The following SYCE2 variants were observed in gnomAD, a reference collection of about 807,000 sequenced individuals.
SYCE2 encodes the protein central element synaptonemal complex 1.
In SYCE2, 3 loss-of-function variants were observed where a neutral mutation model predicts 27.9. The ratio of observed to expected loss-of-function variants is 0.11; its 90% CI spans 0.05 to 0.28. The LOEUF (loss-of-function observed/expected upper bound fraction) is 0.28, where lower values mean the gene tolerates loss of function less well. Among genes scored for constraint, SYCE2 ranks in the 10% least tolerant of loss-of-function variants. The pLI, the probability that SYCE2 is intolerant of heterozygous loss-of-function variation, is 1.00. For synonymous variants in SYCE2, 85 were observed against 100.7 expected, an observed-to-expected ratio of 0.84 and a Z score of 0.93; for missense variants, 207 against 263.5, an observed-to-expected ratio of 0.79 and a Z score of 1.48.
intron 2 of SYCE2, among the ~76,000 whole-genome samples, chr19:12,913,745 C>T (rs184112347): frequency 3.3e-5 from 5 of 152,312 alleles, no homozygotes; most frequent in Non-Finnish European, 7.4e-5. Context: ...TGATTTGCAG[C>T]GGTCTGTGTC....
Position 12,911,644 on chromosome 19 carries a change from G to T in SYCE2, c.131+6578C>A, listed in dbSNP as rs959637670. 7.0e-4 allele frequency among the ~76,000 whole-genome samples: 100 copies of T among 142,108 alleles called. 1 individual carries two copies. The highest frequency in any genetic ancestry group is 2.5e-3 in the African/African-American group (96 of 38,400). The allele number at this position is 142,108 out of a possible 152,430, so 93.2% of individuals were successfully genotyped here. ...TTTTTTTTTTTTTTTTTTAGACGAG[G>T]TCTCGCTCAGCTGCCCAGGATGGAG... is the stretch of plus-strand genomic sequence containing the variant. On this transcript the variant is annotated intron_variant, in intron 2 of 5. Transcript: ENST00000293695.
chr19:12,910,813 G>T (rs1971031650), intron 2 of SYCE2, among the ~76,000 whole-genome samples: 1 of 151,898 alleles, frequency 6.6e-6, no homozygotes, highest in Non-Finnish European at 1.5e-5. Context: ...GAGTAGCTGG[G>T]ACTACAGGCG....
At chr19:12,904,452 G>T in intron 3 of SYCE2, 40 bp downstream of exon 3, 2 of 1,611,776 alleles carry the variant, frequency 1.2e-6, no homozygotes, top group Non-Finnish European at 1.7e-6. Context: ...CTCCCCTTTT[G>T]CATAAGGAAT....
chr19:12,900,087 A>C lies in SYCE2; in HGVS notation c.529T>G (p.Ser177Ala). 6.2e-7 allele frequency: 1 copy of C among 1,613,430 alleles called. No homozygotes were observed. Among genetic ancestry groups the C allele is most frequent in the Non-Finnish European group, 8.5e-7 (1 of 1,179,902 alleles). ...SLRLRWGPDH[S>A]RGKSPPRPGN... is the part of the protein sequence containing the mutation. ...GGACGTGGTGGGGACTTTCCCCTAG[A>C]GTGGTCTGGCCCCCATCTGAGTCTT... The change falls in exon 5 of 6, where the codon TCT (serine) becomes GCT (alanine). Residue 177 changes from serine to alanine, a missense_variant. Coordinates refer to ENST00000293695, the MANE Select transcript of SYCE2 (RefSeq NM_001105578.2).
chr19:12,902,397 A>G (rs1206909049), intron 3 of SYCE2, among the ~76,000 whole-genome samples: 1 of 152,114 alleles, frequency 6.6e-6, no homozygotes, highest in Non-Finnish European at 1.5e-5. Context: ...CTTTTCTACT[A>G]GAGGCCAAGG....
In SYCE2 at chr19:12,900,601, A is replaced by G. The variant is rs1599625498; in HGVS notation, c.354T>C (p.Tyr118=). 1 of 1,613,984 alleles carries G rather than the reference A, an allele frequency of 6.2e-7. No homozygotes were observed. Among genetic ancestry groups the G allele is most frequent in the Non-Finnish European group, 8.5e-7 (1 of 1,180,020 alleles). The change falls in exon 4 of 6, where the codon TAT becomes TAC. Residue 118 remains tyrosine, a synonymous_variant. Transcript: ENST00000293695. ...CCTGGATGATCTTGTTGTGGTCATTATAAATCTGATAGATCCTCTCCTCTA... is the reference window on the plus strand; with the variant it reads ...CCTGGATGATCTTGTTGTGGTCATTGTAAATCTGATAGATCCTCTCCTCTA... The part of the protein sequence containing the change: ...EKLEERIYQI[Y]NDHNKIIQEK...
intron 2 of SYCE2, among the ~76,000 whole-genome samples, chr19:12,914,524 C>A (rs1000554394): frequency 6.0e-5 from 9 of 151,242 alleles, no homozygotes; most frequent in Admixed American, 1.3e-4. Flanking sequence ...CCACCCCCCC[C>A]ACACCCCCCA....
intron 2 of SYCE2, chr19:12,904,878 G>A (rs921153459): frequency 4.9e-5 from 22 of 450,450 alleles, no homozygotes; most frequent in African/African-American, 2.2e-4. Flanking sequence ...GGTGGCACGT[G>A]CCTGTAGTCC....
chr19:12,900,473 C>T lies in SYCE2; in HGVS notation c.482G>A (p.Cys161Tyr). The change falls in exon 4 of 6, where the codon TGT becomes TAT. Residue 161 changes from cysteine to tyrosine, a missense_variant. Cys to Tyr is a radical substitution (Grantham distance 194). Coordinates refer to ENST00000293695, the MANE Select transcript of SYCE2 (RefSeq NM_001105578.2). ...HSVETVYKDL[C>Y]LQPEQSLRLR... ...GTTTACTCATACCTCAGGCTGGAGACACAGGTCTTTGTACACAGTCTCCAC... is the reference window on the plus strand; with the variant it reads ...GTTTACTCATACCTCAGGCTGGAGATACAGGTCTTTGTACACAGTCTCCAC... 1.2e-5 allele frequency: 20 copies of T among 1,613,614 alleles called. No homozygotes were observed. The highest frequency in any genetic ancestry group is 1.7e-5 in the Non-Finnish European group (20 of 1,179,950).
At chr19:12,911,414 C>T (rs1971042780) in intron 2 of SYCE2, among the ~76,000 whole-genome samples, 1 of 152,068 alleles carries the variant, frequency 6.6e-6, no homozygotes, top group South Asian at 2.1e-4. Context: ...CCCTCTCTTC[C>T]AGCCTTAATG....
At chr19:12,909,219 G>T (rs138539757) in intron 2 of SYCE2, among the ~76,000 whole-genome samples, 1 of 152,222 alleles carries the variant, frequency 6.6e-6, no homozygotes, top group East Asian at 1.9e-4. Context: ...ATAAGTAAAT[G>T]ACTTGCGAGT....
In SYCE2 at chr19:12,905,633, A is replaced by G. The variant is rs117951703; in HGVS notation, c.132-967T>C. 6.4e-3 allele frequency among the ~76,000 whole-genome samples: 969 copies of G among 150,814 alleles called. 7 individuals are homozygous for G. Among genetic ancestry groups the G allele is most frequent in the Non-Finnish European group, 6.9e-3 (471 of 67,778 alleles). On this transcript the variant is annotated intron_variant, in intron 2 of 5. Transcript: ENST00000293695. Reference sequence around the variant, plus strand: ...GGCGTGAGCCACCGCGCCCAGCCCAATGCTTTCTTTCTTATTTTCTTTTTT... The same window carrying G: ...GGCGTGAGCCACCGCGCCCAGCCCAGTGCTTTCTTTCTTATTTTCTTTTTT...
At chr19:12,900,271 G>T in intron 4 of SYCE2, 151 bp from the exon 5 acceptor site, 1 of 1,116,678 alleles carries the variant, frequency 9.0e-7, no homozygotes, top group Non-Finnish European at 1.3e-6. Flanking sequence ...CAACGGTTTG[G>T]CTTCTCAGCT....
At chr19:12,906,427 T>A (rs1259614135) in intron 2 of SYCE2, among the ~76,000 whole-genome samples, 2 of 152,196 alleles carry the variant, frequency 1.3e-5, no homozygotes, top group African/African-American at 4.8e-5. Context: ...GACAGCTATC[T>A]AAAAAGCTAA....
chr19:12,912,112 A>G (rs1325942465), intron 2 of SYCE2, among the ~76,000 whole-genome samples: 1 of 149,602 alleles, frequency 6.7e-6, no homozygotes, highest in Non-Finnish European at 1.5e-5. Context: ...TAACTTTTGT[A>G]TTTTTAGTAG....
In SYCE2 at chr19:12,909,545, CTTT is replaced by C. The variant is rs1971006254; in HGVS notation, c.132-4882_132-4880del. ...CTCAAAATCCCCTCATTTCTACCTTCTTTGTTTTTTTATTTTTATTTTTAATTA... is the reference window on the plus strand; with the variant it reads ...CTCAAAATCCCCTCATTTCTACCTTCGTTTTTTTATTTTTATTTTTAATTA... On this transcript the variant is annotated intron_variant, in intron 2 of 5. Transcript: ENST00000293695. Among the ~76,000 whole-genome samples the C allele has an allele frequency of 5.3e-5, 8 of 151,826 alleles. No individual in the cohort carries two copies. In the South Asian group the frequency reaches 1.5e-3, roughly 28 times the overall value.
chr19:12,914,062 C>T (rs1446035974), intron 2 of SYCE2: 3 of 152,286 alleles, frequency 2.0e-5, no homozygotes. Context: ...CAGACCCTCA[C>T]CCCACCCCGA....
At chr19:12,899,705 C>T (rs1322051064) in intron 5 of SYCE2, 5 of 1,612,164 alleles carry the variant, frequency 3.1e-6, no homozygotes, top group Admixed American at 3.3e-5. Context: ...TGAAGTCGTT[C>T]AGATGTGTTC....
At chr19:12,902,948 C>T (rs1321637886) in intron 3 of SYCE2, among the ~76,000 whole-genome samples, 2 of 150,390 alleles carry the variant, frequency 1.3e-5, no homozygotes, top group African/African-American at 4.9e-5. Flanking sequence ...TGCTACCATG[C>T]CTGGCTAATT....
Sources: gnomAD v4.1 joint callset for allele counts (sites outside exome capture counted in the v4.1 genomes callset) on GRCh38, gnomAD v4.1.1 for gene constraint, MANE v1.5 for transcripts, NCBI Gene and HGNC (gene_info 2026-07-23, HGNC 2026-07-21) for gene names.